ATP6V1C1: variants seen among roughly 807,000 people sequenced by gnomAD.
ATP6V1C1 encodes ATPase H+ transporting V1 subunit C1, also known as V-type proton ATPase subunit C 1.
ATP6V1C1 carries 45 observed loss-of-function variants against 53.9 expected under a neutral mutation model. That is an observed-to-expected ratio of 0.83 (90% CI 0.66 to 1.07). The LOEUF is 1.07. ATP6V1C1 is among the 50% of genes least tolerant of loss of function. ATP6V1C1 has a pLI of 0.00. For synonymous variants in ATP6V1C1, 153 were observed against 155.2 expected, an observed-to-expected ratio of 0.99 and a Z score of 0.11; for missense variants, 315 against 440.3, an observed-to-expected ratio of 0.72 and a Z score of 2.55.
intron 12 of ATP6V1C1, among the ~76,000 whole-genome samples, chr8:103,067,317 T>C (rs1156483263): frequency 6.7e-6 from 1 of 149,562 alleles, no homozygotes; most frequent in African/African-American, 2.5e-5. Flanking sequence ...GAGAATCGCT[T>C]GAACCTCGGG....
intron 1 of ATP6V1C1, among the ~76,000 whole-genome samples, chr8:103,029,737 A>AT (rs1816762396): frequency 2.6e-5 from 4 of 151,806 alleles, no homozygotes; most frequent in Admixed American, 1.3e-4. Context: ...ATTTAAAAAA[A>AT]ATTTTTTTTT....
chr8:103,040,206 G>C (rs1389373159), intron 1 of ATP6V1C1, among the ~76,000 whole-genome samples: 1 of 151,012 alleles, frequency 6.6e-6, no homozygotes. Context: ...TTGAGGCCAG[G>C]AGTTCAAGAC....
In ATP6V1C1 at chr8:103,062,975, A is replaced by G. The variant is rs139468632; in HGVS notation, c.662A>G (p.Asp221Gly). The G allele has an allele frequency of 1.8e-5, 29 of 1,613,822 alleles. No homozygotes were observed. Among genetic ancestry groups the G allele is most frequent in the Non-Finnish European group, 2.4e-5 (28 of 1,179,912 alleles). The part of the protein sequence containing the change: ...RSSNVLSEDQ[D>G]SYLCNVTLFR... Reference sequence around the variant, plus strand: ...CATAGTGTTCTTTCAGAGGACCAAGACAGTTACCTGTGTAATGTCACCTTG... The same window carrying G: ...CATAGTGTTCTTTCAGAGGACCAAGGCAGTTACCTGTGTAATGTCACCTTG... The change falls in exon 9 of 13, where the codon GAC (aspartate) becomes GGC (glycine). Residue 221 changes from aspartate (D) to glycine (G), a missense_variant. By Grantham distance (94) the Asp-to-Gly change is moderately conservative. Transcript: ENST00000518738.
At chr8:103,058,099 A>G (rs983854962) in intron 8 of ATP6V1C1, among the ~76,000 whole-genome samples, 2 of 152,208 alleles carry the variant, frequency 1.3e-5, no homozygotes, top group South Asian at 4.1e-4. Context: ...CTCATTAAGT[A>G]AGCTCAGATT....
intron 5 of ATP6V1C1, among the ~76,000 whole-genome samples, chr8:103,051,663 G>A (rs1340358791): frequency 6.6e-6 from 1 of 152,060 alleles, no homozygotes; most frequent in Admixed American, 6.5e-5. Context: ...CCTTGAAGCC[G>A]ATGCATGAAC....
chr8:103,066,032 C>T (rs1268568971), intron 11 of ATP6V1C1, among the ~76,000 whole-genome samples: 2 of 151,968 alleles, frequency 1.3e-5, no homozygotes, highest in Admixed American at 6.6e-5. Flanking sequence ...CAGTAAGAAT[C>T]CGTCTCAAAA....
At chr8:103,027,713 T>TTA (rs1563599538) in intron 1 of ATP6V1C1, among the ~76,000 whole-genome samples, 2 of 151,934 alleles carry the variant, frequency 1.3e-5, no homozygotes, top group African/African-American at 4.8e-5. Flanking sequence ...CTTTTTTTTT[T>TTA]AAGCAGCACA....
chr8:103,053,497 A>G (rs1175173286), intron 6 of ATP6V1C1, among the ~76,000 whole-genome samples: 1 of 151,944 alleles, frequency 6.6e-6, no homozygotes, highest in East Asian at 1.9e-4. Flanking sequence ...ATCAAATGAT[A>G]CCCAAGGGAG....
At chr8:103,049,052 GACACTAAAT>G (rs1367943867) in intron 4 of ATP6V1C1, 97 bp downstream of exon 4, 26 of 1,104,112 alleles carry the variant, frequency 2.4e-5, no homozygotes, top group Non-Finnish European at 3.3e-5. Flanking sequence ...TACAGAAAAG[GACACTAAAT>G]ACAATAGAAA....
At chr8:103,052,915 T>A (rs1356430426) in intron 6 of ATP6V1C1, 93 bp downstream of exon 6, 1 of 733,188 alleles carries the variant, frequency 1.4e-6, no homozygotes, top group Non-Finnish European at 2.1e-6. Context: ...TTAGTTTCAG[T>A]TTATGTTGTT....
chr8:103,060,732 A>G (rs930032197), intron 8 of ATP6V1C1, among the ~76,000 whole-genome samples: 5 of 152,178 alleles, frequency 3.3e-5, no homozygotes, highest in Middle Eastern at 3.2e-3. Flanking sequence ...TTTGTTTTTC[A>G]TAATAAGGTG....
Position 103,030,108 on chromosome 8 carries a change from A to C in ATP6V1C1, c.-40+8883A>C, listed in dbSNP as rs1337458873. Among the ~76,000 whole-genome samples the C allele has an allele frequency of 3.9e-5, 6 of 152,138 alleles. No homozygotes were observed. In the East Asian group the frequency reaches 1.2e-3, roughly 29 times the overall value. On this transcript the variant is annotated intron_variant, in intron 1 of 12. Coordinates refer to ENST00000518738, the MANE Select transcript of ATP6V1C1 (RefSeq NM_001695.5). ...CCATACATTTGCAAATTAATGGCAC[A>C]TAAGTGAATGTTGGAGACATTTATT...
intron 11 of ATP6V1C1, 97 bp downstream of exon 11, chr8:103,064,908 A>G: frequency 1.9e-6 from 2 of 1,075,726 alleles, no homozygotes; most frequent in African/African-American, 1.6e-5. Flanking sequence ...TAGGAAATTG[A>G]TTTGGAGAAA....
At chr8:103,046,614 T>A (rs942746563) in intron 3 of ATP6V1C1, among the ~76,000 whole-genome samples, 2 of 152,214 alleles carry the variant, frequency 1.3e-5, no homozygotes. Flanking sequence ...TCAGCTGTTC[T>A]TTTCTTCATT....
intron 8 of ATP6V1C1, among the ~76,000 whole-genome samples, chr8:103,059,415 C>A (rs1259234256): frequency 1.3e-5 from 2 of 152,138 alleles, no homozygotes; most frequent in African/African-American, 4.8e-5. Flanking sequence ...GACTCAAACT[C>A]TCTAGTTGCC....
chr8:103,055,968 T>G, intron 8 of ATP6V1C1, 32 bp downstream of exon 8: 1 of 1,590,002 alleles, frequency 6.3e-7, no homozygotes, highest in Non-Finnish European at 8.6e-7. Flanking sequence ...ACCATTTGTT[T>G]CCTAGAATTC....
chr8:103,060,614 A>G (rs1170724888), intron 8 of ATP6V1C1, among the ~76,000 whole-genome samples: 1 of 152,238 alleles, frequency 6.6e-6, no homozygotes, highest in Non-Finnish European at 1.5e-5. Flanking sequence ...GTCTCAGTAC[A>G]TGTTAAATGA....
Position 103,068,715 on chromosome 8 carries a change from A to T in ATP6V1C1, c.1117A>T (p.Lys373Ter). ...QQEYYPYVYY[K>*]IDCNLLEFK is the part of the protein sequence containing the mutation. Reference sequence around the variant, plus strand: ...AGAATACTACCCCTATGTGTACTACAAGATTGATTGCAACTTGCTGGAATT... The same window carrying T: ...AGAATACTACCCCTATGTGTACTACTAGATTGATTGCAACTTGCTGGAATT... Residue 373 changes from lysine to a stop codon, truncating the protein, a stop_gained, in exon 13 of 13, where the codon AAG becomes TAG. Coordinates refer to ENST00000518738, the MANE Select transcript of ATP6V1C1 (RefSeq NM_001695.5). LOFTEE classifies it high-confidence loss of function. 6.2e-7 allele frequency: 1 copy of T among 1,610,374 alleles called. No homozygotes were observed. The highest frequency in any genetic ancestry group is 8.5e-7 in the Non-Finnish European group (1 of 1,178,378).
intron 1 of ATP6V1C1, among the ~76,000 whole-genome samples, chr8:103,033,366 G>A (rs549238613): frequency 1.4e-4 from 21 of 152,224 alleles, no homozygotes; most frequent in African/African-American, 3.9e-4. Flanking sequence ...TAGAAAAAAC[G>A]GGAAGTGAGG....
Sources: allele counts gnomAD v4.1 joint callset (sites outside exome capture counted in the v4.1 genomes callset), GRCh38; gene constraint gnomAD v4.1.1; transcripts MANE v1.5; gene names NCBI Gene and HGNC (gene_info 2026-07-23, HGNC 2026-07-21).